Variants in ANO1 observed in about 807,000 individuals in gnomAD.
ANO1 encodes the protein anoctamin-1.
A neutral mutation model predicts 124.0 loss-of-function variants in ANO1; 59 were observed. The ratio of observed to expected loss-of-function variants is 0.48; its 90% confidence interval spans 0.39 to 0.59. ANO1 has a LOEUF of 0.59. ANO1 is among the 20% of genes least tolerant of loss of function. The pLI is 0.00. For synonymous variants in ANO1, 529 were observed against 532.0 expected, an observed-to-expected ratio of 0.99 and a Z score of 0.08; for missense variants, 1,059 against 1,328.0, an observed-to-expected ratio of 0.80 and a Z score of 3.15.
chr11:70,028,739 C>T (rs192588232), intron 1 of ANO1, among the ~76,000 whole-genome samples: 168 of 152,250 alleles, frequency 1.1e-3, no homozygotes, highest in African/African-American at 3.8e-3. Context: ...TCTGACAGAT[C>T]GTGGAGGTGG....
At chr11:70,102,907 G>C (rs557722007) in intron 2 of ANO1, among the ~76,000 whole-genome samples, 159 bp from the exon 3 acceptor site, 3 of 152,302 alleles carry the variant, frequency 2.0e-5, no homozygotes, top group South Asian at 2.1e-4. Flanking sequence ...GGGAATTCTA[G>C]CTTTGCCTCA....
At chr11:70,129,322 G>A (rs1325984943) in intron 10 of ANO1, 1 of 152,266 alleles carries the variant, frequency 6.6e-6, no homozygotes, top group East Asian at 1.9e-4. Context: ...GTTGTTGGTT[G>A]TTTAATCCTC....
chr11:70,076,592 G>A (rs1489354670), upstream of ANO1, among the ~76,000 whole-genome samples: 2 of 152,196 alleles, frequency 1.3e-5, no homozygotes, highest in Non-Finnish European at 2.9e-5. Flanking sequence ...GTACATGCGT[G>A]TGGGATTCTC....
chr11:69,986,382 G>A (rs1856041566), intron 1 of ANO1, among the ~76,000 whole-genome samples: 1 of 145,802 alleles, frequency 6.9e-6, no homozygotes, highest in Admixed American at 6.9e-5. Flanking sequence ...CAGGTCGCTG[G>A]GGCACTGACA....
intron 14 of ANO1, 124 bp downstream of exon 14, chr11:70,153,252 C>T (rs2047675212): frequency 2.3e-6 from 2 of 859,702 alleles, no homozygotes; most frequent in East Asian, 5.3e-5. Context: ...TGCGGCTGCT[C>T]AACTCTGCCA....
At chr11:70,053,980 G>T (rs1857393244) in intron 1 of ANO1, among the ~76,000 whole-genome samples, 1 of 152,178 alleles carries the variant, frequency 6.6e-6, no homozygotes, top group African/African-American at 2.4e-5. Flanking sequence ...TATTAATAAT[G>T]TACTGACATT....
intron 1 of ANO1, among the ~76,000 whole-genome samples, chr11:69,999,631 T>A (rs1041896914): frequency 9.9e-5 from 15 of 152,126 alleles, no homozygotes; most frequent in African/African-American, 3.4e-4. Context: ...CCCGCTAACA[T>A]AAACGCCAGG....
Position 70,086,018 on chromosome 11 carries a change from C to T in ANO1, c.109-1734C>T, listed in dbSNP as rs11233525. Among the ~76,000 whole-genome samples, 30 of 152,344 alleles carry T rather than the reference C, an allele frequency of 2.0e-4. No individual in the cohort carries two copies. In the East Asian group the frequency reaches 3.9e-3, roughly 20 times the overall value. ...GCTCTGTCCAAAGGCCACAGGTGCT[C>T]GGGCCCTGCCTGGCGCAGCATGCCG... On this transcript the variant is annotated intron_variant, in intron 1 of 25. Coordinates refer to ENST00000355303, the MANE Select transcript of ANO1 (RefSeq NM_018043.7).
intron 6 of ANO1, among the ~76,000 whole-genome samples, chr11:70,109,404 G>A (rs2045683766): frequency 6.6e-6 from 1 of 152,202 alleles, no homozygotes; most frequent in Non-Finnish European, 1.5e-5. Flanking sequence ...TATGGCCTGT[G>A]TTCACTCACA....
chr11:70,048,886 C>T (rs1032036887), intron 1 of ANO1, among the ~76,000 whole-genome samples: 2 of 152,102 alleles, frequency 1.3e-5, no homozygotes, highest in African/African-American at 4.8e-5. Flanking sequence ...GGATCCTGGA[C>T]AGTGTGTTTG....
chr11:70,040,268 T>C (rs1177868828), intron 1 of ANO1, among the ~76,000 whole-genome samples: 1 of 152,038 alleles, frequency 6.6e-6, no homozygotes, highest in African/African-American at 2.4e-5. Context: ...AAAACCTTAC[T>C]AAGGTTTTGT....
chr11:70,160,558 G>A (rs1387727543), intron 16 of ANO1, among the ~76,000 whole-genome samples: 1 of 152,120 alleles, frequency 6.6e-6, no homozygotes, highest in Admixed American at 6.5e-5. Context: ...CTGCTGGCTG[G>A]GAGAAGGGAC....
At chr11:70,071,720 C>T (rs577763378) in intron 1 of ANO1, among the ~76,000 whole-genome samples, 3 of 152,146 alleles carry the variant, frequency 2.0e-5, no homozygotes, top group Middle Eastern at 6.8e-3. Context: ...AACTTCTGGG[C>T]TTAAGCAATC....
chr11:70,029,778 C>T (rs1591045039), intron 1 of ANO1, among the ~76,000 whole-genome samples: 1 of 152,234 alleles, frequency 6.6e-6, no homozygotes, highest in Non-Finnish European at 1.5e-5. Context: ...GGCCCTGGGG[C>T]AGGGCCCTTC....
chr11:69,992,873 C>T (rs1401039616), intron 1 of ANO1, among the ~76,000 whole-genome samples: 1 of 152,210 alleles, frequency 6.6e-6, no homozygotes, highest in Non-Finnish European at 1.5e-5. Context: ...GCATTAAAAG[C>T]CTTCCCAGCC....
intron 21 of ANO1, chr11:70,170,126 A>T (rs1456653492): frequency 2.6e-6 from 1 of 389,726 alleles, no homozygotes; most frequent in South Asian, 1.6e-5. Flanking sequence ...AGGAGTCCTG[A>T]TGCAAGGGGA....
intron 8 of ANO1, among the ~76,000 whole-genome samples, chr11:70,121,015 C>A (rs1400659383): frequency 6.6e-6 from 1 of 152,154 alleles, no homozygotes; most frequent in Non-Finnish European, 1.5e-5. Flanking sequence ...CGCCTCTTGG[C>A]AGAAAGAAAA....
At chr11:70,157,597 C>T (rs1252471360) in intron 16 of ANO1, among the ~76,000 whole-genome samples, 1 of 152,136 alleles carries the variant, frequency 6.6e-6, no homozygotes, top group Non-Finnish European at 1.5e-5. Flanking sequence ...GTCCCTGATA[C>T]ACAGCTTTCA....
At chr11:70,137,099 A>G (rs1456485399) in intron 11 of ANO1, among the ~76,000 whole-genome samples, 1 of 147,476 alleles carries the variant, frequency 6.8e-6, no homozygotes, top group Non-Finnish European at 1.5e-5. Flanking sequence ...CAGGCCTACA[A>G]CCCAGCTCTG....
Sources: allele counts gnomAD v4.1 joint callset (sites outside exome capture counted in the v4.1 genomes callset), GRCh38; gene constraint gnomAD v4.1.1; transcripts MANE v1.5; gene names NCBI Gene and HGNC (gene_info 2026-07-23, HGNC 2026-07-21).